The following MAF variants were observed in gnomAD, a reference collection of about 807,000 sequenced individuals.
MAF encodes the protein transcription factor Maf.
Under a neutral mutation model 22.0 loss-of-function variants are expected in MAF, and 10 were observed. That is an observed-to-expected ratio of 0.45 (90% CI 0.28 to 0.77). MAF has a LOEUF of 0.77. Ranked by LOEUF, MAF falls within the 30% of genes least tolerant of loss-of-function variation. The pLI is 0.12. For synonymous variants in MAF, 337 were observed against 255.8 expected (o/e 1.32, Z -3.03); for missense variants, 544 against 548.4 (o/e 0.99, Z 0.08).
chr16:79,391,283 G>C, the MAF span, among the ~76,000 whole-genome samples: 10 of 152,174 alleles, frequency 6.6e-5, no homozygotes, highest in African/African-American at 2.4e-4. Context: ...GCATTAAGAA[G>C]CTATGGAGAT....
the MAF span, among the ~76,000 whole-genome samples, chr16:79,265,145 G>A: frequency 0.42 from 63,946 of 151,968 alleles, 14,425 homozygotes; most frequent in Non-Finnish European, 0.49. Flanking sequence ...TGCATAAATG[G>A]AAGTCATTAT....
chr16:79,245,217 G>A, the MAF span, among the ~76,000 whole-genome samples: 2 of 152,128 alleles, frequency 1.3e-5, no homozygotes, highest in East Asian at 3.9e-4. Flanking sequence ...ATTGACAAAT[G>A]GGATCTAATT....
At chr16:79,343,519 A>G in the MAF span, among the ~76,000 whole-genome samples, 2 of 152,222 alleles carry the variant, frequency 1.3e-5, no homozygotes, top group African/African-American at 2.4e-5. Context: ...TCGTAAATGG[A>G]AACTTTTTTC....
the MAF span, among the ~76,000 whole-genome samples, chr16:79,312,444 G>A: frequency 1.3e-5 from 2 of 152,150 alleles, no homozygotes; most frequent in African/African-American, 2.4e-5. Context: ...TGCATTTCAC[G>A]TGGTCTGGCT....
the MAF span, among the ~76,000 whole-genome samples, chr16:79,297,284 A>G: frequency 1.5e-4 from 23 of 152,348 alleles, no homozygotes; most frequent in African/African-American, 5.5e-4. Flanking sequence ...CACTGAAAGC[A>G]ATGTAAAGCT....
the MAF span, among the ~76,000 whole-genome samples, chr16:79,450,390 G>C: frequency 2.0e-5 from 3 of 152,166 alleles, no homozygotes; most frequent in African/African-American, 7.2e-5. Context: ...TATCAATGTA[G>C]ACTCTTGCAA....
At chr16:79,297,022 C>G in the MAF span, among the ~76,000 whole-genome samples, 1 of 152,216 alleles carries the variant, frequency 6.6e-6, no homozygotes, top group Non-Finnish European at 1.5e-5. Flanking sequence ...CTTTGCTGCT[C>G]TGTGGCGACA....
chr16:79,344,445 G>T, the MAF span, among the ~76,000 whole-genome samples: 1 of 152,206 alleles, frequency 6.6e-6, no homozygotes, highest in African/African-American at 2.4e-5. Context: ...GAACCTGGAA[G>T]AGGGCGCTCT....
At chr16:79,272,860 A>G in the MAF span, among the ~76,000 whole-genome samples, 4 of 151,534 alleles carry the variant, frequency 2.6e-5, no homozygotes, top group Admixed American at 6.6e-5. Flanking sequence ...CTGTTTGCCA[A>G]CTCCTAACAA....
At chr16:79,279,610 C>A in the MAF span, among the ~76,000 whole-genome samples, 1 of 152,076 alleles carries the variant, frequency 6.6e-6, no homozygotes, top group African/African-American at 2.4e-5. Flanking sequence ...ACCCCTCACC[C>A]CTGCAAGTGG....
chr16:79,360,979 C>G, the MAF span, among the ~76,000 whole-genome samples: 1 of 152,176 alleles, frequency 6.6e-6, no homozygotes, highest in East Asian at 1.9e-4. Context: ...CAGAAATTGG[C>G]AAAAGCTACG....
the MAF span, among the ~76,000 whole-genome samples, chr16:79,362,549 G>A: frequency 1.3e-5 from 2 of 152,192 alleles, no homozygotes; most frequent in African/African-American, 2.4e-5. Context: ...CCTCTCATGA[G>A]GAAACAGATT....
chr16:79,286,441 A>G, the MAF span, among the ~76,000 whole-genome samples: 4 of 152,200 alleles, frequency 2.6e-5, no homozygotes, highest in Admixed American at 1.3e-4. Flanking sequence ...CATAGCATAA[A>G]TTCACTGCCA....
the MAF span, among the ~76,000 whole-genome samples, chr16:79,302,544 C>T: frequency 3.9e-5 from 6 of 152,342 alleles, no homozygotes; most frequent in Non-Finnish European, 7.3e-5. Context: ...CTCTCGTTCT[C>T]CCTTCCAAGA....
the MAF span, among the ~76,000 whole-genome samples, chr16:79,328,820 G>C: frequency 6.6e-6 from 1 of 152,210 alleles, no homozygotes; most frequent in African/African-American, 2.4e-5. Context: ...CTCTCTGTCA[G>C]ATTGAATGCC....
chr16:79,506,153 T>G, the MAF span, among the ~76,000 whole-genome samples: 1 of 152,196 alleles, frequency 6.6e-6, no homozygotes, highest in African/African-American at 2.4e-5. Context: ...GGAGTTGGAT[T>G]AATGATAGTC....
the MAF span, among the ~76,000 whole-genome samples, chr16:79,545,499 G>T: frequency 4.1e-5 from 6 of 148,038 alleles, no homozygotes; most frequent in African/African-American, 1.5e-4. Context: ...ACCCCATGCA[G>T]AATTCCAGTT....
the MAF span, among the ~76,000 whole-genome samples, chr16:79,285,411 C>A: frequency 2.6e-5 from 4 of 151,994 alleles, no homozygotes; most frequent in African/African-American, 9.7e-5. Flanking sequence ...GGATTAGGGA[C>A]GAGAATGCCT....
chr16:79,520,017 T>A, the MAF span, among the ~76,000 whole-genome samples: 3 of 152,184 alleles, frequency 2.0e-5, no homozygotes, highest in Non-Finnish European at 4.4e-5. Context: ...TGGAACTGCA[T>A]TGAGTAAATA....
Sources: gnomAD v4.1 joint callset for allele counts (sites outside exome capture counted in the v4.1 genomes callset) on GRCh38, gnomAD v4.1.1 for gene constraint, MANE v1.5 for transcripts, NCBI Gene and HGNC (gene_info 2026-07-23, HGNC 2026-07-21) for gene names.